The following PLB1 variants were observed in gnomAD, a reference collection of about 807,000 sequenced individuals.
The protein encoded by PLB1 is phospholipase B1, membrane-associated.
In PLB1, 242 loss-of-function variants were observed where a neutral mutation model predicts 227.4. The ratio of observed to expected loss-of-function variants is 1.06; its 90% CI spans 0.96 to 1.18. The LOEUF (loss-of-function observed/expected upper bound fraction) is 1.18. Among genes scored for constraint, PLB1 ranks in the 50% most tolerant of loss-of-function variants. The pLI, the probability that PLB1 is intolerant of heterozygous loss-of-function variation, is 0.00. For missense variants in PLB1, 1,858 were observed against 1,816.3 expected, an observed-to-expected ratio of 1.02 and a Z score of -0.42; for synonymous variants, 757 against 682.2, an observed-to-expected ratio of 1.11 and a Z score of -1.71.
intron 49 of PLB1, among the ~76,000 whole-genome samples, chr2:28,623,267 G>C (rs1687285476): frequency 6.6e-6 from 1 of 152,224 alleles, no homozygotes; most frequent in Admixed American, 6.5e-5. Context: ...GGTAAAAAAG[G>C]AAATGCAAGA....
chr2:28,525,231 C>T (rs1255831072), intron 4 of PLB1, 36 bp from the exon 5 acceptor site: 1 of 1,607,582 alleles, frequency 6.2e-7, no homozygotes, highest in East Asian at 2.2e-5. Context: ...CTGCCACCTC[C>T]CCTGGCTGGG....
chr2:28,580,335 C>T (rs1335515165), intron 23 of PLB1, among the ~76,000 whole-genome samples: 1 of 152,238 alleles, frequency 6.6e-6, no homozygotes, highest in East Asian at 1.9e-4. Flanking sequence ...ACTTGCACTG[C>T]CAGCGGAGAG....
chr2:28,532,317 C>CATGGATGGATGGATGGATGG (rs10656827), intron 9 of PLB1, 123 bp downstream of exon 9: 18 of 597,878 alleles, frequency 3.0e-5, no homozygotes, highest in African/African-American at 2.1e-4. Flanking sequence ...TATTTTAGAA[C>CATGGATGGATGGATGGATGG]ATGGATGGAT....
At chr2:28,624,720 A>T (rs1337483725) in intron 49 of PLB1, among the ~76,000 whole-genome samples, 1 of 152,244 alleles carries the variant, frequency 6.6e-6, no homozygotes, top group Non-Finnish European at 1.5e-5. Flanking sequence ...ACAAAAGGTT[A>T]TTTTTAAAAC....
intron 43 of PLB1, among the ~76,000 whole-genome samples, chr2:28,608,851 C>T (rs751077607): frequency 6.6e-6 from 1 of 152,126 alleles, no homozygotes; most frequent in South Asian, 2.1e-4. Context: ...CCTCCTCCTC[C>T]CTTTCCCCAG....
intron 32 of PLB1, 167 bp downstream of exon 32, chr2:28,592,886 CA>C (rs1682221172): frequency 3.2e-6 from 2 of 617,934 alleles, no homozygotes; most frequent in Non-Finnish European, 5.6e-6. Context: ...GCCACTTTCT[CA>C]AACGGATATG....
At chr2:28,540,663 G>T (rs573756887) in intron 12 of PLB1, among the ~76,000 whole-genome samples, 8 of 152,296 alleles carry the variant, frequency 5.3e-5, no homozygotes, top group African/African-American at 1.7e-4. Flanking sequence ...ACTGGTAGGG[G>T]TGCGAGTTGG....
chr2:28,534,864 A>T (rs1671476455), intron 9 of PLB1, among the ~76,000 whole-genome samples: 3 of 74,220 alleles, frequency 4.0e-5, no homozygotes, highest in Admixed American at 1.1e-4. Flanking sequence ...AAAAGAAAAT[A>T]AAAAAAAAAG....
intron 20 of PLB1, among the ~76,000 whole-genome samples, chr2:28,570,914 C>T (rs771255183): frequency 3.3e-4 from 51 of 152,342 alleles, no homozygotes; most frequent in Middle Eastern, 3.4e-3. Flanking sequence ...ATGCTGCCCC[C>T]TCTCTCTGAT....
chr2:28,540,772 G>A (rs1672374068), intron 12 of PLB1, among the ~76,000 whole-genome samples: 1 of 152,282 alleles, frequency 6.6e-6, no homozygotes. Flanking sequence ...CACATCTGGG[G>A]TGGGTGAGCT....
chr2:28,526,152 G>C (rs1284234892), intron 6 of PLB1, among the ~76,000 whole-genome samples: 6 of 152,150 alleles, frequency 3.9e-5, no homozygotes, highest in African/African-American at 1.4e-4. Context: ...AATGTATCCA[G>C]GGTCTCTGGG....
chr2:28,607,769 TG>T (rs1298052392), intron 43 of PLB1, among the ~76,000 whole-genome samples: 1 of 152,052 alleles, frequency 6.6e-6, no homozygotes, highest in African/African-American at 2.4e-5. Flanking sequence ...TGGGGGCATT[TG>T]GGGACTCAGA....
intron 14 of PLB1, among the ~76,000 whole-genome samples, chr2:28,544,183 G>A (rs7600983): frequency 0.88 from 134,724 of 152,304 alleles, 59,929 homozygotes; most frequent in East Asian, 0.99. Context: ...ACAGTCCCTG[G>A]CACTGGAAAC....
In PLB1 at chr2:28,543,250, G is replaced by C; in HGVS notation, c.918G>C (p.Trp306Cys). 1 of 1,612,384 alleles carries C rather than the reference G, an allele frequency of 6.2e-7. No individual in the cohort carries two copies. The highest frequency in any genetic ancestry group is 8.5e-7 in the Non-Finnish European group (1 of 1,179,402). ...PRLQDSTTLA[W>C]HLWNRMMEPA... ...TCCAGGATTCTACCACGCTGGCCTGGCATCTCTGGAATAGGATGGTGAGTA... is the reference window on the plus strand; with the variant it reads ...TCCAGGATTCTACCACGCTGGCCTGCCATCTCTGGAATAGGATGGTGAGTA... The change falls in exon 14 of 58, where the codon TGG becomes TGC. Residue 306 changes from tryptophan to cysteine, a missense_variant. By Grantham distance (215) the Trp-to-Cys change is radical (BLOSUM62 -2). Coordinates refer to ENST00000327757, the MANE Select transcript of PLB1 (RefSeq NM_153021.5).
chr2:28,605,678 C>A (rs1684572162), intron 41 of PLB1, among the ~76,000 whole-genome samples, 175 bp from the exon 42 acceptor site: 1 of 152,148 alleles, frequency 6.6e-6, no homozygotes, highest in Non-Finnish European at 1.5e-5. Flanking sequence ...CAAAACTATT[C>A]TTTGTGGGAT....
At chr2:28,500,839 C>T (rs59931222) in intron 1 of PLB1, among the ~76,000 whole-genome samples, 1 of 152,170 alleles carries the variant, frequency 6.6e-6, no homozygotes, top group Admixed American at 6.5e-5. Flanking sequence ...CATTTTGATG[C>T]CAAAGTTATT....
chr2:28,589,756 C>G lies in PLB1; in HGVS notation c.2002C>G (p.Leu668Val). The change falls in exon 28 of 58, where the codon CTC becomes GTC. Residue 668 changes from leucine (L) to valine (V), a missense_variant. Physicochemically the swap from Leu to Val is conservative, Grantham distance 32. Coordinates refer to ENST00000327757, the MANE Select transcript of PLB1 (RefSeq NM_153021.5). ...SKSHSRAASA[L>V]WNNMLEPVGQ... ...GTCTCACTCCCGAGCAGCCAGTGCTCTCTGGAACAATATGGTAAGTGGCTG... is the reference window on the plus strand; with the variant it reads ...GTCTCACTCCCGAGCAGCCAGTGCTGTCTGGAACAATATGGTAAGTGGCTG... 1 of 1,613,732 alleles carries G rather than the reference C, an allele frequency of 6.2e-7. No individual in the cohort carries two copies.
At position 28,582,395 on chromosome 2, in the gene PLB1, C is replaced by T; in HGVS notation, c.1633-10C>T. The T allele has an allele frequency of 6.2e-7, 1 of 1,610,874 alleles. No homozygotes were observed. Among genetic ancestry groups the T allele is most frequent in the Non-Finnish European group, 8.5e-7 (1 of 1,178,226 alleles). On this transcript the variant is annotated splice_polypyrimidine_tract_variant and intron_variant, in intron 24 of 57. Transcript: ENST00000327757. ...TCATCCTCTTGGTGACTGAGTTTGCCTTTTCTCAGGTTCCTCGGGCATTTG... is the reference window on the plus strand; with the variant it reads ...TCATCCTCTTGGTGACTGAGTTTGCTTTTTCTCAGGTTCCTCGGGCATTTG...
At chr2:28,642,345 G>A (rs1690069135) in intron 57 of PLB1, among the ~76,000 whole-genome samples, 1 of 151,792 alleles carries the variant, frequency 6.6e-6, no homozygotes, top group South Asian at 2.1e-4. Context: ...TTCACTGAGA[G>A]GAGAGTGGAG....
Sources: allele counts gnomAD v4.1 joint callset (sites outside exome capture counted in the v4.1 genomes callset), GRCh38; gene constraint gnomAD v4.1.1; transcripts MANE v1.5; gene names NCBI Gene and HGNC (gene_info 2026-07-23, HGNC 2026-07-21).